Variants in AMOTL1 observed in about 807,000 individuals in gnomAD.
AMOTL1 encodes angiomotin-like protein 1.
AMOTL1 carries 45 observed loss-of-function variants against 102.9 expected under a neutral mutation model. That is an observed-to-expected ratio of 0.44 (90% CI 0.34 to 0.56). The LOEUF is 0.56. Ranked by LOEUF, AMOTL1 falls within the 20% of genes least tolerant of loss-of-function variation. The pLI, the probability that AMOTL1 is intolerant of heterozygous loss-of-function variation, is 0.01. For missense variants in AMOTL1, 1,114 were observed against 1,225.6 expected, an observed-to-expected ratio of 0.91 and a Z score of 1.36; for synonymous variants, 481 against 484.7, an observed-to-expected ratio of 0.99 and a Z score of 0.10.
chr11:94,769,008 T>C (rs1950902300), intron 1 of AMOTL1, among the ~76,000 whole-genome samples: 1 of 152,100 alleles, frequency 6.6e-6, no homozygotes, highest in African/African-American at 2.4e-5. Flanking sequence ...CGACGGGCTC[T>C]GGCGCTGTGG....
chr11:94,774,309 T>C (rs962181783), intron 1 of AMOTL1, among the ~76,000 whole-genome samples: 1 of 152,200 alleles, frequency 6.6e-6, no homozygotes, highest in Non-Finnish European at 1.5e-5. Context: ...AAATAAACCT[T>C]TCTTTGCTTC....
Position 94,800,316 on chromosome 11 carries a change from T to A in AMOTL1, c.1121+5T>A, listed in dbSNP as rs1951453725. 1 of 1,578,138 alleles carries A rather than the reference T, an allele frequency of 6.3e-7. No individual in the cohort carries two copies. The highest frequency in any genetic ancestry group is 8.6e-7 in the Non-Finnish European group (1 of 1,164,210). ...CCCTGAGTATGGGGTAACGAGGTGA[T>A]TATCAACTGCAGACGTTTCGTGCGG... On this transcript the variant is annotated splice_donor_5th_base_variant and intron_variant, in intron 3 of 12. Coordinates refer to ENST00000433060, the MANE Select transcript of AMOTL1 (RefSeq NM_130847.3).
At chr11:94,724,636 A>G (rs7939825) in intron 1 of AMOTL1, among the ~76,000 whole-genome samples, 57,666 of 151,978 alleles carry the variant, frequency 0.38, 11,411 homozygotes, top group African/African-American at 0.48. Flanking sequence ...GTTCATATAC[A>G]TGTCTCCTCC....
chr11:94,764,149 C>G (rs1278757283), upstream of AMOTL1, among the ~76,000 whole-genome samples: 1 of 152,148 alleles, frequency 6.6e-6, no homozygotes, highest in African/African-American at 2.4e-5. Flanking sequence ...CCTCTATGCT[C>G]CCATAATGCT....
At chr11:94,729,948 C>G (rs1591903212) in intron 2 of AMOTL1, among the ~76,000 whole-genome samples, 2 of 152,040 alleles carry the variant, frequency 1.3e-5, no homozygotes, top group Non-Finnish European at 2.9e-5. Context: ...ATTTGCAGAC[C>G]TTCTGCACTA....
upstream of AMOTL1, among the ~76,000 whole-genome samples, chr11:94,765,697 T>G: frequency 6.6e-6 from 1 of 152,198 alleles, no homozygotes; most frequent in East Asian, 1.9e-4. Flanking sequence ...ATCTGTAGCA[T>G]TTGATAGAAG....
intron 11 of AMOTL1, chr11:94,866,778 G>A (rs1312539080): frequency 6.3e-6 from 1 of 157,882 alleles, no homozygotes; most frequent in African/African-American, 2.4e-5. Context: ...TGGGAGGGAA[G>A]AATGGGATAA....
chr11:94,771,372 C>T (rs1950949267), intron 1 of AMOTL1, among the ~76,000 whole-genome samples: 2 of 151,426 alleles, frequency 1.3e-5, no homozygotes. Flanking sequence ...TTAATTTTGG[C>T]AGGTTCTTAT....
intron 3 of AMOTL1, among the ~76,000 whole-genome samples, chr11:94,810,501 A>AAG (rs1951657447): frequency 6.6e-6 from 1 of 150,716 alleles, no homozygotes; most frequent in Non-Finnish European, 1.5e-5. Context: ...TAGTCCAAAA[A>AAG]AAAAAAAAAA....
upstream of AMOTL1, among the ~76,000 whole-genome samples, chr11:94,765,293 C>A (rs1950842635): frequency 6.6e-6 from 1 of 152,154 alleles, no homozygotes; most frequent in Non-Finnish European, 1.5e-5. Flanking sequence ...AAGGTGTGTT[C>A]AATTTTTATT....
At chr11:94,719,196 C>T (rs1950138627) in intron 1 of AMOTL1, among the ~76,000 whole-genome samples, 1 of 151,950 alleles carries the variant, frequency 6.6e-6, no homozygotes, top group Admixed American at 6.6e-5. Flanking sequence ...ATTTTTTGGA[C>T]TTCCTATTCT....
intron 1 of AMOTL1, among the ~76,000 whole-genome samples, chr11:94,779,625 C>T (rs551788456): frequency 6.6e-5 from 10 of 152,098 alleles, no homozygotes; most frequent in African/African-American, 2.2e-4. Flanking sequence ...GACATTGTAC[C>T]GTGAGACCCC....
At chr11:94,765,572 C>A (rs1169348173), upstream of AMOTL1, among the ~76,000 whole-genome samples, 1 of 152,180 alleles carries the variant, frequency 6.6e-6, no homozygotes, top group East Asian at 1.9e-4. Flanking sequence ...GCCTGTGCTT[C>A]CATGTATCTG....
At chr11:94,709,967 A>G (rs1354865500) in intron 1 of AMOTL1, among the ~76,000 whole-genome samples, 2 of 152,198 alleles carry the variant, frequency 1.3e-5, no homozygotes, top group East Asian at 1.9e-4. Flanking sequence ...TTTTAGTTAA[A>G]AAGACTCGAG....
chr11:94,721,845 G>A (rs995289929), intron 1 of AMOTL1, among the ~76,000 whole-genome samples: 14 of 152,104 alleles, frequency 9.2e-5, no homozygotes, highest in African/African-American at 3.1e-4. Flanking sequence ...GTGCTGGATT[G>A]GTTGGCAACT....
chr11:94,791,609 G>T (rs896417874), intron 1 of AMOTL1, among the ~76,000 whole-genome samples: 12 of 152,204 alleles, frequency 7.9e-5, no homozygotes, highest in African/African-American at 2.9e-4. Flanking sequence ...GTCCTTGGCA[G>T]GCTGTGGGCT....
At chr11:94,864,525 C>A (rs1032354355) in intron 9 of AMOTL1, among the ~76,000 whole-genome samples, 14 of 152,148 alleles carry the variant, frequency 9.2e-5, no homozygotes, top group African/African-American at 3.4e-4. Flanking sequence ...CACCTCTCCA[C>A]AAGCATTTAC....
intron 1 of AMOTL1, among the ~76,000 whole-genome samples, chr11:94,718,134 G>T (rs565126781): frequency 1.3e-4 from 19 of 151,858 alleles, no homozygotes; most frequent in Non-Finnish European, 2.7e-4. Flanking sequence ...TTGAAGGCCT[G>T]TCTCTATGTG....
At chr11:94,827,087 T>C (rs1163282768) in intron 4 of AMOTL1, among the ~76,000 whole-genome samples, 1 of 152,206 alleles carries the variant, frequency 6.6e-6, no homozygotes, top group Non-Finnish European at 1.5e-5. Context: ...AAAGATTAAT[T>C]AATCAGTCAG....
Sources: gnomAD v4.1 joint callset for allele counts (sites outside exome capture counted in the v4.1 genomes callset) on GRCh38, gnomAD v4.1.1 for gene constraint, MANE v1.5 for transcripts, NCBI Gene and HGNC (gene_info 2026-07-23, HGNC 2026-07-21) for gene names.